Variants in HCN4 observed in about 807,000 individuals in gnomAD.
HCN4 encodes the protein hyperpolarization activated cyclic nucleotide gated potassium channel 4.
A neutral mutation model predicts 76.9 loss-of-function variants in HCN4; 29 were observed. That is an observed-to-expected ratio of 0.38 (90% CI 0.28 to 0.51). The LOEUF is 0.51. Among genes scored for constraint, HCN4 ranks in the 20% least tolerant of loss-of-function variants. HCN4 has a pLI of 0.90. For synonymous variants in HCN4, 772 were observed against 762.5 expected, an observed-to-expected ratio of 1.01 and a Z score of -0.21; for missense variants, 1,416 against 1,715.2, an observed-to-expected ratio of 0.83 and a Z score of 3.08.
At chr15:73,339,788 T>C (rs969061480) in intron 2 of HCN4, among the ~76,000 whole-genome samples, 2 of 152,016 alleles carry the variant, frequency 1.3e-5, no homozygotes, top group African/African-American at 4.8e-5. Context: ...CAAGCAGAGG[T>C]GGGAGAAGCC....
intron 2 of HCN4, among the ~76,000 whole-genome samples, chr15:73,333,038 G>A (rs2042941746): frequency 6.6e-6 from 1 of 152,200 alleles, no homozygotes; most frequent in African/African-American, 2.4e-5. Flanking sequence ...TAATCTTCCT[G>A]ATTGGTTAAT....
chr15:73,357,966 G>A (rs1382601298), intron 1 of HCN4, among the ~76,000 whole-genome samples: 1 of 152,172 alleles, frequency 6.6e-6, no homozygotes, highest in Non-Finnish European at 1.5e-5. Flanking sequence ...GGCTCTATTT[G>A]TGCTAATGGG....
rs11631286 is a variant in HCN4 at position 73,320,127 on chromosome 15, T to C, written c.*2354A>G. 0.013 allele frequency: 2,009 copies of C among 152,570 alleles called. 25 individuals are homozygous for C. The highest frequency in any genetic ancestry group is 0.023 in the Middle Eastern group (7 of 298). 9.5% of individuals were successfully genotyped at this position (152,570 alleles called of 1,614,324 possible). A position where few individuals can be genotyped will look rare whatever the true frequency, so the allele number is the denominator to read the frequency against. ...GCCCTGGACCCTCCACCTTCACCCC[T>C]GCTGCCTCCAGGACAAGACTGTGGG... On this transcript the variant is annotated 3_prime_UTR_variant, in exon 8 of 8. Coordinates refer to ENST00000261917, the MANE Select transcript of HCN4 (RefSeq NM_005477.3).
chr15:73,343,430 C>T lies in HCN4; in HGVS notation c.1164G>A (p.Leu388=). The T allele has an allele frequency of 6.2e-7, 1 of 1,614,122 alleles. No homozygotes were observed. The highest frequency in any genetic ancestry group is 8.5e-7 in the Non-Finnish European group (1 of 1,180,028). Residue 388 remains leucine, a synonymous_variant, in exon 2 of 8, where the codon CTG becomes CTA. Coordinates refer to ENST00000261917, the MANE Select transcript of HCN4 (RefSeq NM_005477.3). This position sits in a 1 kb window ranked among gnomAD's most constrained non-coding sequence, Gnocchi z 5.7. The part of the protein sequence containing the change: ...RFTKILSLLR[L]LRLSRLIRYI... ...ATCGAATGAGGCGGGAGAGGCGTAA[C>T]AGGCGTAAGAGGCTGAGGATCTTCG...
At position 73,368,512 on chromosome 15, in the gene HCN4, C is replaced by G; in HGVS notation, c.-242G>C. ...CGGGCCCGGCTGGGCGCGGGGACCC[C>G]GCGCTCCCTTCTTGCCTCCCTCCCT... is the stretch of plus-strand genomic sequence containing the variant. On this transcript the variant is annotated 5_prime_UTR_variant, in exon 1 of 8. Coordinates refer to ENST00000261917, the MANE Select transcript of HCN4 (RefSeq NM_005477.3). The surrounding 1 kb of genome is among the most constrained non-coding windows in gnomAD (Gnocchi z 6.9). The G allele has an allele frequency of 3.0e-6, 1 of 329,082 alleles. No individual in the cohort carries two copies. Among genetic ancestry groups the G allele is most frequent in the Non-Finnish European group, 5.5e-6 (1 of 182,096 alleles). The allele number at this position is 329,082 out of a possible 1,614,324, so 20.4% of individuals were successfully genotyped here. A position where few individuals can be genotyped will look rare whatever the true frequency, so the allele number is the denominator to read the frequency against.
At position 73,368,194 on chromosome 15, in the gene HCN4, A is replaced by G; in HGVS notation, c.77T>C (p.Met26Thr). Reference sequence around the variant, plus strand: ...CTCCTCGGCGTCCTCTTCCTCGTCCATGATCCACGCCTTGGCCCCCACCTG... The same window carrying G: ...CTCCTCGGCGTCCTCTTCCTCGTCCGTGATCCACGCCTTGGCCCCCACCTG... ...PQQVGAKAWI[M>T]DEEEDAEEEG... is the part of the protein sequence containing the mutation. Residue 26 changes from methionine (M) to threonine (T), a missense_variant, in exon 1 of 8, where the codon ATG becomes ACG. By Grantham distance (81) the Met-to-Thr change is moderately conservative. Around this residue, in one of 6 missense-constraint regions of HCN4, gnomAD observed 355 missense variants for 347.8 expected, o/e 1.02. Transcript: ENST00000261917. The surrounding 1 kb of genome is among the most constrained non-coding windows in gnomAD (Gnocchi z 6.9). 1.3e-6 allele frequency: 2 copies of G among 1,533,942 alleles called. No individual in the cohort carries two copies. The highest frequency in any genetic ancestry group is 1.2e-5 in the South Asian group (1 of 82,664).
chr15:73,325,468 C>T lies in HCN4; in HGVS notation c.1591-24G>A. ...TACTGAGGCCGGGAGAAGGGGGCGT[C>T]AGCTCCACCCCACCAGGGGGCGTCA... On this transcript the variant is annotated intron_variant, in intron 4 of 7. Transcript: ENST00000261917. The surrounding 1 kb of genome is among the most constrained non-coding windows in gnomAD (Gnocchi z 7.4). The T allele has an allele frequency of 6.2e-7, 1 of 1,613,298 alleles. No homozygotes were observed. The highest frequency in any genetic ancestry group is 8.5e-7 in the Non-Finnish European group (1 of 1,179,634).
Position 73,322,790 on chromosome 15 carries a change from G to A in HCN4, c.3303C>T (p.Leu1101=). The A allele has an allele frequency of 6.4e-7, 1 of 1,552,194 alleles. No individual in the cohort carries two copies. Among genetic ancestry groups the A allele is most frequent in the Non-Finnish European group, 8.7e-7 (1 of 1,148,546 alleles). ...CTGAGGAGTGCGGGGAGGCTCTGCGGAGAGTCTGCGCCCCGTCCTGAGGCA... is the reference window on the plus strand; with the variant it reads ...CTGAGGAGTGCGGGGAGGCTCTGCGAAGAGTCTGCGCCCCGTCCTGAGGCA... ...PALPQDGAQT[L]RRASPHSSGE... The change falls in exon 8 of 8, where the codon CTC becomes CTT. Residue 1101 remains leucine (L), a synonymous_variant. Coordinates refer to ENST00000261917, the MANE Select transcript of HCN4 (RefSeq NM_005477.3).
In HCN4 at chr15:73,323,599, G is replaced by C; in HGVS notation, c.2494C>G (p.Leu832Val). 2 of 1,601,530 alleles carry C rather than the reference G, an allele frequency of 1.2e-6. No individual in the cohort carries two copies. Among genetic ancestry groups the C allele is most frequent in the Non-Finnish European group, 1.7e-6 (2 of 1,179,190 alleles). The change falls in exon 8 of 8, where the codon CTG becomes GTG. Residue 832 changes from leucine (L) to valine (V), a missense_variant. Coordinates refer to ENST00000261917, the MANE Select transcript of HCN4 (RefSeq NM_005477.3). The part of the protein sequence containing the change: ...TPRHLKRLQS[L>V]IPSALGSASP... Reference sequence around the variant, plus strand: ...GCGGAGCCCAGCGCAGAAGGGATCAGGGACTGCAGCCGTTTCAGGTGCCTT... The same window carrying C: ...GCGGAGCCCAGCGCAGAAGGGATCACGGACTGCAGCCGTTTCAGGTGCCTT...
intron 1 of HCN4, among the ~76,000 whole-genome samples, chr15:73,366,578 C>T (rs1205849902): frequency 6.6e-6 from 1 of 152,222 alleles, no homozygotes; most frequent in Non-Finnish European, 1.5e-5. Flanking sequence ...CCAACAATCC[C>T]TCTTTTTGCA....
intron 2 of HCN4, among the ~76,000 whole-genome samples, chr15:73,338,080 A>G (rs1253037345): frequency 6.6e-6 from 1 of 152,144 alleles, no homozygotes; most frequent in Non-Finnish European, 1.5e-5. Flanking sequence ...GGGGTGCCCT[A>G]GATTTGAGGA....
Position 73,368,401 on chromosome 15 carries a change from G to T in HCN4, c.-131C>A. On this transcript the variant is annotated 5_prime_UTR_variant, in exon 1 of 8. Coordinates refer to ENST00000261917, the MANE Select transcript of HCN4 (RefSeq NM_005477.3). This position sits in a 1 kb window ranked among gnomAD's most constrained non-coding sequence, Gnocchi z 6.9. ...GCCGCCGGCGTGGGGGCAGCCTCAG[G>T]CGCCCATGCTTGGGCAGGCTGCGCG... is the stretch of plus-strand genomic sequence containing the variant. 1 of 546,448 alleles carries T rather than the reference G, an allele frequency of 1.8e-6. No individual in the cohort carries two copies. The highest frequency in any genetic ancestry group is 2.8e-6 in the Non-Finnish European group (1 of 353,720). 33.8% of individuals were successfully genotyped at this position (546,448 alleles called of 1,614,324 possible).
rs780923169 is a variant in HCN4 at position 73,323,897 on chromosome 15, G to A, written c.2196C>T (p.Gly732=). Reference sequence around the variant, plus strand: ...TCTCATTCTCCTGGTAGTTGAAGACGCCGGAGTTGAGGTCGTGCTGGACTT... The same window carrying A: ...TCTCATTCTCCTGGTAGTTGAAGACACCGGAGTTGAGGTCGTGCTGGACTT... ...LHKVQHDLNS[G]VFNYQENEII... is the part of the protein sequence containing the mutation. The change falls in exon 8 of 8, where the codon GGC becomes GGT. Residue 732 remains glycine (G), a synonymous_variant. Coordinates refer to ENST00000261917, the MANE Select transcript of HCN4 (RefSeq NM_005477.3). 19 of 1,603,820 alleles carry A rather than the reference G, an allele frequency of 1.2e-5. No homozygotes were observed. Among genetic ancestry groups the A allele is most frequent in the Middle Eastern group, 1.7e-4 (1 of 6,060 alleles).
At chr15:73,356,656 G>A (rs2043082577) in intron 1 of HCN4, among the ~76,000 whole-genome samples, 1 of 151,916 alleles carries the variant, frequency 6.6e-6, no homozygotes. Flanking sequence ...TGGAGCTTGG[G>A]GCCAAACAAC....
At chr15:73,332,557 C>T (rs1262083776) in intron 2 of HCN4, among the ~76,000 whole-genome samples, 2 of 152,152 alleles carry the variant, frequency 1.3e-5, no homozygotes, top group African/African-American at 4.8e-5. Context: ...TCTAGCCATC[C>T]AGGACATGTG....
chr15:73,335,035 GC>G (rs2042955193), intron 2 of HCN4, among the ~76,000 whole-genome samples: 1 of 152,014 alleles, frequency 6.6e-6, no homozygotes, highest in Non-Finnish European at 1.5e-5. Context: ...GGAGAAGGCG[GC>G]CGTCTACAAG....
Position 73,321,368 on chromosome 15 carries a change from C to T in HCN4, c.*1113G>A, listed in dbSNP as rs2042856310. 6.6e-6 allele frequency: 1 copy of T among 152,224 alleles called. No individual in the cohort carries two copies. The highest frequency in any genetic ancestry group is 2.4e-5 in the African/African-American group (1 of 41,442). The allele number at this position is 152,224 out of a possible 1,614,324, so 9.4% of individuals were successfully genotyped here. On this transcript the variant is annotated 3_prime_UTR_variant, in exon 8 of 8. Coordinates refer to ENST00000261917, the MANE Select transcript of HCN4 (RefSeq NM_005477.3). Reference sequence around the variant, plus strand: ...TGGACTCGAACCTCAAATCAGTCCCCACTCTGCCACTCCTAGTTACATGAT... The same window carrying T: ...TGGACTCGAACCTCAAATCAGTCCCTACTCTGCCACTCCTAGTTACATGAT...
rs2042864707 is a variant in HCN4, at chr15:73,322,399, G to T, written c.*82C>A. 7.4e-6 allele frequency: 8 copies of T among 1,082,476 alleles called. No individual in the cohort carries two copies. The highest frequency in any genetic ancestry group is 1.5e-5 in the African/African-American group (1 of 64,578). 67.1% of individuals were successfully genotyped at this position (1,082,476 alleles called of 1,614,324 possible). A position where few individuals can be genotyped will look rare whatever the true frequency, so the allele number is the denominator to read the frequency against. On this transcript the variant is annotated 3_prime_UTR_variant, in exon 8 of 8. Coordinates refer to ENST00000261917, the MANE Select transcript of HCN4 (RefSeq NM_005477.3). ...TTTTAAATAATTATTACTGTTATTG[G>T]TATATCTCCTAATCACAGTTAAACC...
chr15:73,322,270 G>T lies in HCN4; in HGVS notation c.*211C>A. On this transcript the variant is annotated 3_prime_UTR_variant, in exon 8 of 8. Transcript: ENST00000261917. Reference sequence around the variant, plus strand: ...CTCCCTCCCCCTCCCTCCCTCTAGTGCTGAGTATTAAAATAGTCTATAAAA... The same window carrying T: ...CTCCCTCCCCCTCCCTCCCTCTAGTTCTGAGTATTAAAATAGTCTATAAAA... 4.5e-6 allele frequency: 2 copies of T among 440,706 alleles called. No homozygotes were observed. Among genetic ancestry groups the T allele is most frequent in the Non-Finnish European group, 8.5e-6 (2 of 234,560 alleles). The allele number at this position is 440,706 out of a possible 1,614,324, so 27.3% of individuals were successfully genotyped here. A position where few individuals can be genotyped will look rare whatever the true frequency, so the allele number is the denominator to read the frequency against.
Sources: allele counts gnomAD v4.1 joint callset (sites outside exome capture counted in the v4.1 genomes callset), GRCh38; gene constraint gnomAD v4.1.1; regional missense constraint gnomAD v4.1.1; non-coding constraint Gnocchi (gnomAD v3.1); transcripts MANE v1.5; gene names NCBI Gene and HGNC (gene_info 2026-07-23, HGNC 2026-07-21).